Variants in SGCZ observed in about 807,000 individuals in gnomAD.
The protein encoded by SGCZ is sarcoglycan zeta, also known as zeta-sarcoglycan.
Under a neutral mutation model 41.3 loss-of-function variants are expected in SGCZ, and 40 were observed. The observed-to-expected ratio is 0.97, with a 90% CI of 0.75 to 1.26. The LOEUF (loss-of-function observed/expected upper bound fraction) is 1.26, where lower values mean the gene tolerates loss of function less well. Ranked by LOEUF, SGCZ falls within the 50% of genes most tolerant of loss-of-function variation. The pLI, the probability that SGCZ is intolerant of heterozygous loss-of-function variation, is 0.00. For synonymous variants in SGCZ, 206 were observed against 137.5 expected, an observed-to-expected ratio of 1.50 and a Z score of -3.49; for missense variants, 552 against 369.8, an observed-to-expected ratio of 1.49 and a Z score of -4.04.
chr8:15,041,085 T>C (rs1804077429), intron 1 of SGCZ, among the ~76,000 whole-genome samples: 1 of 152,040 alleles, frequency 6.6e-6, no homozygotes, highest in East Asian at 1.9e-4. Context: ...TACTAAAACA[T>C]ATCAAACTAT....
chr8:14,577,667 C>T (rs369718338), intron 1 of SGCZ, among the ~76,000 whole-genome samples: 25 of 152,030 alleles, frequency 1.6e-4, no homozygotes, highest in African/African-American at 5.3e-4. Flanking sequence ...GGATTACAGC[C>T]GTGAGCCACG....
At chr8:14,556,393 T>A (rs1804036849) in intron 1 of SGCZ, among the ~76,000 whole-genome samples, 1 of 151,920 alleles carries the variant, frequency 6.6e-6, no homozygotes. Flanking sequence ...TATACAATTA[T>A]CATTGTAATG....
chr8:14,757,083 C>G (rs545763786), intron 1 of SGCZ, among the ~76,000 whole-genome samples: 31 of 152,292 alleles, frequency 2.0e-4, no homozygotes, highest in Non-Finnish European at 3.5e-4. Context: ...AACTCTTGGT[C>G]TGTCACCTAG....
At chr8:15,136,713 A>T (rs1328854100) in intron 1 of SGCZ, among the ~76,000 whole-genome samples, 3 of 152,084 alleles carry the variant, frequency 2.0e-5, no homozygotes, top group Non-Finnish European at 4.4e-5. Flanking sequence ...AGGTGCCTTT[A>T]ACCATGATTG....
intron 1 of SGCZ, among the ~76,000 whole-genome samples, chr8:14,808,286 G>T (rs1361459210): frequency 6.6e-6 from 1 of 152,094 alleles, no homozygotes; most frequent in Admixed American, 6.5e-5. Flanking sequence ...CCATCAGAGT[G>T]AACAGGCAAC....
intron 2 of SGCZ, among the ~76,000 whole-genome samples, chr8:14,403,211 G>C (rs1305727583): frequency 1.3e-5 from 2 of 150,106 alleles, no homozygotes; most frequent in Admixed American, 1.3e-4. Flanking sequence ...GGGTTTTCTA[G>C]ATATACAATC....
intron 4 of SGCZ, among the ~76,000 whole-genome samples, chr8:14,182,714 C>A (rs1804769856): frequency 6.6e-6 from 1 of 151,996 alleles, no homozygotes; most frequent in African/African-American, 2.4e-5. Flanking sequence ...AGCAATAAAA[C>A]TGACTAATGT....
At chr8:14,663,443 A>G (rs1807817013) in intron 1 of SGCZ, among the ~76,000 whole-genome samples, 2 of 152,114 alleles carry the variant, frequency 1.3e-5, no homozygotes, top group Admixed American at 1.3e-4. Context: ...TATCTCTTCC[A>G]GTATCAATTT....
chr8:14,410,942 T>G (rs1799343599), intron 2 of SGCZ, among the ~76,000 whole-genome samples: 1 of 152,188 alleles, frequency 6.6e-6, no homozygotes, highest in Admixed American at 6.6e-5. Flanking sequence ...TGATAAATTT[T>G]CTTCAACGTT....
At chr8:14,272,672 A>G (rs1379730299) in intron 3 of SGCZ, among the ~76,000 whole-genome samples, 2 of 152,178 alleles carry the variant, frequency 1.3e-5, no homozygotes, top group African/African-American at 2.4e-5. Flanking sequence ...TGTTCATCAT[A>G]ATTTTAAGCC....
intron 2 of SGCZ, among the ~76,000 whole-genome samples, chr8:14,381,390 C>A (rs564010088): frequency 6.6e-6 from 1 of 152,268 alleles, no homozygotes; most frequent in African/African-American, 2.4e-5. Context: ...AATGGGGTGT[C>A]ATAAAAGATG....
chr8:14,509,501 C>G (rs1585611290), intron 2 of SGCZ, among the ~76,000 whole-genome samples: 1 of 152,090 alleles, frequency 6.6e-6, no homozygotes, highest in Admixed American at 6.6e-5. Flanking sequence ...GATTAATCTG[C>G]TGAAGAATCA....
intron 5 of SGCZ, among the ~76,000 whole-genome samples, chr8:14,161,970 AAAGG>A (rs1289550805): frequency 6.6e-6 from 1 of 152,126 alleles, no homozygotes; most frequent in Non-Finnish European, 1.5e-5. Flanking sequence ...AGAGAAAGAT[AAAGG>A]GAGAGAGAAT....
chr8:14,826,003 A>G (rs1349420429), intron 1 of SGCZ, among the ~76,000 whole-genome samples: 1 of 151,968 alleles, frequency 6.6e-6, no homozygotes, highest in Admixed American at 6.5e-5. Context: ...TTTGTTACAT[A>G]TGTATACATG....
intron 4 of SGCZ, among the ~76,000 whole-genome samples, chr8:14,170,057 A>AT (rs35045034): frequency 0.025 from 3,720 of 148,704 alleles, 79 homozygotes; most frequent in African/African-American, 0.063. Context: ...CTTTCACTTG[A>AT]TTTTTTTTTT....
At chr8:14,556,430 A>G (rs1402564557) in intron 1 of SGCZ, among the ~76,000 whole-genome samples, 1 of 150,296 alleles carries the variant, frequency 6.7e-6, no homozygotes, top group Non-Finnish European at 1.5e-5. Context: ...TACTGTAGAT[A>G]AAATGTTGAG....
intron 4 of SGCZ, among the ~76,000 whole-genome samples, chr8:14,172,837 A>G (rs890121068): frequency 6.6e-6 from 1 of 152,164 alleles, no homozygotes; most frequent in African/African-American, 2.4e-5. Context: ...CAGAAAACTT[A>G]TAGGAGCACT....
At chr8:14,372,155 G>C (rs1403175681) in intron 2 of SGCZ, among the ~76,000 whole-genome samples, 2 of 152,086 alleles carry the variant, frequency 1.3e-5, no homozygotes, top group Non-Finnish European at 2.9e-5. Context: ...CTAGGTTTTA[G>C]ATCCTAAGGG....
intron 1 of SGCZ, among the ~76,000 whole-genome samples, chr8:14,845,694 A>G (rs546509453): frequency 1.3e-5 from 2 of 152,336 alleles, no homozygotes; most frequent in East Asian, 3.9e-4. Flanking sequence ...ATCTTGAATG[A>G]AAAATTCACA....
Sources: allele counts gnomAD v4.1 joint callset (sites outside exome capture counted in the v4.1 genomes callset), GRCh38; gene constraint gnomAD v4.1.1; transcripts MANE v1.5; gene names NCBI Gene and HGNC (gene_info 2026-07-23, HGNC 2026-07-21).